Variants in SF3A3 observed in about 807,000 individuals in gnomAD.
SF3A3 encodes SAP 61.
SF3A3 carries 9 observed loss-of-function variants against 85.8 expected under a neutral mutation model. The observed-to-expected ratio is 0.10, with a 90% confidence interval of 0.06 to 0.18. SF3A3 has a LOEUF of 0.18. SF3A3 is among the 10% of genes least tolerant of loss of function. The probability of loss-of-function intolerance (pLI) is 1.00; values close to 1 mark genes in which losing one functional copy is unlikely to be tolerated. For missense variants in SF3A3, 306 were observed against 593.3 expected, an observed-to-expected ratio of 0.52 and a Z score of 5.03; for synonymous variants, 195 against 204.4, an observed-to-expected ratio of 0.95 and a Z score of 0.39.
At chr1:37,963,548 T>C (rs16824530) in intron 15 of SF3A3, among the ~76,000 whole-genome samples, 2,510 of 151,528 alleles carry the variant, frequency 0.017, 60 homozygotes, top group African/African-American at 0.057. Context: ...ATCATGAAAC[T>C]GCCAATGATA....
intron 12 of SF3A3, 39 bp from the exon 13 acceptor site, chr1:37,969,774 G>A: frequency 6.2e-7 from 1 of 1,602,552 alleles, no homozygotes; most frequent in South Asian, 1.1e-5. Flanking sequence ...GAAAAAAGTA[G>A]TGCAGAATAA....
At chr1:37,967,253 A>T (rs1211391658) in intron 15 of SF3A3, among the ~76,000 whole-genome samples, 2 of 144,288 alleles carry the variant, frequency 1.4e-5, no homozygotes, top group African/African-American at 5.2e-5. Context: ...GACTCGTCTC[A>T]GAAACAAAGG....
At chr1:37,983,349 CA>C (rs1344770804) in intron 6 of SF3A3, among the ~76,000 whole-genome samples, 16 of 150,326 alleles carry the variant, frequency 1.1e-4, no homozygotes, top group Non-Finnish European at 5.9e-5. Flanking sequence ...TTTGTGAGGC[CA>C]AGACAGACGG....
rs113879598 is a variant in SF3A3 at position 37,983,240 on chromosome 1, G to A, written c.468+929C>T. 3.4e-3 allele frequency among the ~76,000 whole-genome samples: 446 copies of A among 131,932 alleles called. 4 individuals carry two copies. The highest frequency in any genetic ancestry group is 2.7e-3 in the Non-Finnish European group (176 of 64,434). 86.6% of individuals were successfully genotyped at this position (131,932 alleles called of 152,430 possible). A position where few individuals can be genotyped will look rare whatever the true frequency, so the allele number is the denominator to read the frequency against. On this transcript the variant is annotated intron_variant, in intron 6 of 16. Coordinates refer to ENST00000373019, the MANE Select transcript of SF3A3 (RefSeq NM_006802.4). ...GGCGTGAGCAACTGTGTCCAGCCAG[G>A]AACATGGTATTTATTTAAAAAAAAA...
At chr1:37,964,907 C>T (rs1646288576) in intron 15 of SF3A3, among the ~76,000 whole-genome samples, 1 of 152,122 alleles carries the variant, frequency 6.6e-6, no homozygotes. Flanking sequence ...GCCTATAATC[C>T]TAGCACTTTG....
At chr1:37,989,624 C>A in intron 1 of SF3A3, 29 bp from the exon 2 acceptor site, 1 of 1,611,478 alleles carries the variant, frequency 6.2e-7, no homozygotes, top group East Asian at 2.2e-5. Context: ...ACACAAACGC[C>A]GTTAGTTTGC....
At chr1:37,960,335 T>C (rs1267299103) in intron 15 of SF3A3, 160 bp from the exon 16 acceptor site, 14 of 593,506 alleles carry the variant, frequency 2.4e-5, no homozygotes, top group Non-Finnish European at 3.6e-5. Flanking sequence ...GGACCACCTA[T>C]AGACAAAACC....
At chr1:37,971,312 G>T (rs552463454) in intron 12 of SF3A3, among the ~76,000 whole-genome samples, 56 of 152,274 alleles carry the variant, frequency 3.7e-4, no homozygotes, top group African/African-American at 1.3e-3. Context: ...CCAGGAAGAA[G>T]TTGAATCCCT....
chr1:37,965,282 A>C (rs1425834776), intron 15 of SF3A3, among the ~76,000 whole-genome samples: 1 of 150,132 alleles, frequency 6.7e-6, no homozygotes, highest in African/African-American at 2.5e-5. Flanking sequence ...CCTGGGCAAC[A>C]TAAGGAAACC....
At chr1:37,977,215 T>A (rs1646384914) in intron 11 of SF3A3, among the ~76,000 whole-genome samples, 1 of 152,220 alleles carries the variant, frequency 6.6e-6, no homozygotes, top group Non-Finnish European at 1.5e-5. Context: ...TCCATCATTA[T>A]AATCTACAAA....
At chr1:37,987,546 G>T in intron 4 of SF3A3, 27 bp downstream of exon 4, 1 of 1,495,218 alleles carries the variant, frequency 6.7e-7, no homozygotes, top group African/African-American at 1.4e-5. Flanking sequence ...GGATAGGTCT[G>T]GAGAAAATAC....
At position 37,987,774 on chromosome 1, in the gene SF3A3, T is replaced by C; in HGVS notation, c.197+10A>G. The C allele has an allele frequency of 1.2e-6, 2 of 1,612,238 alleles. No individual in the cohort carries two copies. On this transcript the variant is annotated intron_variant, in intron 3 of 16. Coordinates refer to ENST00000373019, the MANE Select transcript of SF3A3 (RefSeq NM_006802.4). Reference sequence around the variant, plus strand: ...CACTAACTCCTGGATTAGCTGTGACTGTCACTTACCCATCCTTATCATCAT... The same window carrying C: ...CACTAACTCCTGGATTAGCTGTGACCGTCACTTACCCATCCTTATCATCAT...
chr1:37,984,241 A>G lies in SF3A3; in HGVS notation c.396T>C (p.Asp132=). ...CGAGATAACGACCATATCCCTCTTC[A>G]TCTGTGAACTCCACCAAGTCTGAGG... ...EEAQNLVEFT[D]EEGYGRYLDL... is the part of the protein sequence containing the mutation. The change falls in exon 6 of 17, where the codon GAT becomes GAC. Residue 132 remains aspartate (D), a synonymous_variant. Coordinates refer to ENST00000373019, the MANE Select transcript of SF3A3 (RefSeq NM_006802.4). The G allele has an allele frequency of 1.9e-6, 3 of 1,599,772 alleles. No individual in the cohort carries two copies. The highest frequency in any genetic ancestry group is 2.6e-6 in the Non-Finnish European group (3 of 1,168,322).
Position 37,968,084 on chromosome 1 carries a change from A to T in SF3A3, c.1332T>A (p.Ala444=). 6.2e-7 allele frequency: 1 copy of T among 1,613,434 alleles called. No homozygotes were observed. Among genetic ancestry groups the T allele is most frequent in the Non-Finnish European group, 8.5e-7 (1 of 1,179,374 alleles). The change falls in exon 15 of 17, where the codon GCT becomes GCA. Residue 444 remains alanine, a synonymous_variant. Transcript: ENST00000373019. ...CAATCTGTGTCACATTAGCAAAGTGAGCAGTGTTTGGGATGCCCAAACACC... is the reference window on the plus strand; with the variant it reads ...CAATCTGTGTCACATTAGCAAAGTGTGCAGTGTTTGGGATGCCCAAACACC... The part of the protein sequence containing the change: ...GMRCLGIPNT[A]HFANVTQIED...
intron 12 of SF3A3, among the ~76,000 whole-genome samples, chr1:37,970,984 G>A (rs1426172195): frequency 6.6e-6 from 1 of 152,086 alleles, no homozygotes; most frequent in African/African-American, 2.4e-5. Flanking sequence ...AAAGCTAGCA[G>A]AAGGCAAGAA....
rs1205496629 is a variant in SF3A3 at position 37,957,035 on chromosome 1, G to A, written c.*1151C>T. On this transcript the variant is annotated 3_prime_UTR_variant, in exon 17 of 17. Transcript: ENST00000373019. Reference sequence around the variant, plus strand: ...AAGGTCTGAGTGTTGAGAGGCAAATGGGGTCTCTGGGGGATCCTGTCCTGC... The same window carrying A: ...AAGGTCTGAGTGTTGAGAGGCAAATAGGGTCTCTGGGGGATCCTGTCCTGC... The A allele has an allele frequency of 6.6e-6, 1 of 152,188 alleles. No homozygotes were observed. The highest frequency in any genetic ancestry group is 2.4e-5 in the African/African-American group (1 of 41,448). The allele number at this position is 152,188 out of a possible 1,614,324, so 9.4% of individuals were successfully genotyped here.
chr1:37,986,699 C>T (rs1356607071), intron 4 of SF3A3, among the ~76,000 whole-genome samples: 3 of 149,966 alleles, frequency 2.0e-5, no homozygotes, highest in African/African-American at 4.9e-5. Context: ...GTAGTCCCAG[C>T]TACTCAGGAG....
intron 15 of SF3A3, among the ~76,000 whole-genome samples, chr1:37,967,027 A>G (rs896030521): frequency 1.5e-5 from 2 of 137,254 alleles, no homozygotes; most frequent in African/African-American, 5.6e-5. Context: ...ACATGGGTGG[A>G]TCACTTGAGG....
rs34369006 is a variant in SF3A3 at position 37,967,677 on chromosome 1, C to CAAA, written c.1372+364_1372+366dup. ...TGGGCGACAGAGTGAGACTCCGTCA[C>CAAA]AAAAAAAAAAAAAAAAAAAAAAAAA... is the stretch of plus-strand genomic sequence containing the variant. On this transcript the variant is annotated intron_variant, in intron 15 of 16. Coordinates refer to ENST00000373019, the MANE Select transcript of SF3A3 (RefSeq NM_006802.4). Among the ~76,000 whole-genome samples, 71 of 44,278 alleles carry CAAA rather than the reference C, an allele frequency of 1.6e-3. 2 individuals are homozygous for CAAA. The highest frequency in any genetic ancestry group is 5.0e-3 in the South Asian group (3 of 600). 29.0% of individuals were successfully genotyped at this position (44,278 alleles called of 152,430 possible).
Sources: gnomAD v4.1 joint callset for allele counts (sites outside exome capture counted in the v4.1 genomes callset) on GRCh38, gnomAD v4.1.1 for gene constraint, MANE v1.5 for transcripts, NCBI Gene and HGNC (gene_info 2026-07-23, HGNC 2026-07-21) for gene names.